AHRR: variants seen among roughly 807,000 people sequenced by gnomAD.
The protein encoded by AHRR is ahR repressor.
In AHRR, 28 loss-of-function variants were observed where a neutral mutation model predicts 44.0. The observed-to-expected ratio is 0.64, with a 90% CI of 0.47 to 0.87. The LOEUF (loss-of-function observed/expected upper bound fraction) is 0.87, where lower values mean the gene tolerates loss of function less well. Among genes scored for constraint, AHRR ranks in the 40% least tolerant of loss-of-function variants. The probability of loss-of-function intolerance (pLI) is 0.00; values close to 1 mark genes in which losing one functional copy is unlikely to be tolerated. For missense variants in AHRR, 990 were observed against 953.9 expected (o/e 1.04, Z -0.50); for synonymous variants, 434 against 407.0 (o/e 1.07, Z -0.80).
At position 404,961 on chromosome 5, in the gene AHRR, G is replaced by A. The variant is rs1459946714; in HGVS notation, c.352-8383G>A. Among the ~76,000 whole-genome samples, 2 of 152,040 alleles carry A rather than the reference G, an allele frequency of 1.3e-5. No homozygotes were observed. The highest frequency in any genetic ancestry group is 2.9e-5 in the Non-Finnish European group (2 of 68,012). On this transcript the variant is annotated intron_variant, in intron 4 of 10. Coordinates refer to ENST00000684583, the MANE Select transcript of AHRR (RefSeq NM_001377236.1). This position sits in a 1 kb window ranked among gnomAD's most constrained non-coding sequence, Gnocchi z 4.1. ...CCCCGCGGGGTCCATTTCATGTCCT[G>A]CTGATTAATCCAGCTACTGAGAGGA...
chr5:367,855 G>A (rs1398528086), intron 3 of AHRR: 1 of 702,582 alleles, frequency 1.4e-6, no homozygotes, highest in South Asian at 1.5e-5. Flanking sequence ...TGACCACACG[G>A]GCGAACGAAG....
intron 4 of AHRR, among the ~76,000 whole-genome samples, chr5:390,725 ATCTCTGT>A (rs1204005380): frequency 2.0e-4 from 31 of 152,070 alleles, no homozygotes; most frequent in African/African-American, 7.0e-4. Flanking sequence ...TCCTGCTGGG[ATCTCTGT>A]GAGATTCCAC....
chr5:342,874 G>A lies in AHRR; in HGVS notation c.-10-1019G>A, dbSNP rs748032647. 6.6e-6 allele frequency among the ~76,000 whole-genome samples: 1 copy of A among 152,240 alleles called. No homozygotes were observed. The highest frequency in any genetic ancestry group is 1.5e-5 in the Non-Finnish European group (1 of 68,030). On this transcript the variant is annotated intron_variant, in intron 1 of 10. Transcript: ENST00000684583. This position sits in a 1 kb window ranked among gnomAD's most constrained non-coding sequence, Gnocchi z 4.3. ...TACTGGGCTGCTCCTCAGGGGCCCC[G>A]CTGGGAGGCACATGCCTGTGTCCAG...
chr5:376,552 A>ATGAGAAACGTGGGGT, intron 3 of AHRR, 58 bp from the exon 4 acceptor site: 1 of 1,409,244 alleles, frequency 7.1e-7, no homozygotes, highest in Non-Finnish European at 9.6e-7. Context: ...ATGTGAATGA[A>ATGAGAAACGTGGGGT]GAAGAGTGGC....
intron 3 of AHRR, among the ~76,000 whole-genome samples, chr5:355,750 C>T (rs1202850454): frequency 6.6e-6 from 1 of 152,234 alleles, no homozygotes; most frequent in Non-Finnish European, 1.5e-5. Flanking sequence ...TGCAGGGGCA[C>T]CCTGCGTGCC....
At chr5:396,011 G>A (rs759003965) in intron 4 of AHRR, among the ~76,000 whole-genome samples, 57 of 152,202 alleles carry the variant, frequency 3.7e-4, no homozygotes, top group Non-Finnish European at 7.6e-4. Flanking sequence ...TGGTAACACA[G>A]GACCACAACT....
At position 337,287 on chromosome 5, in the gene AHRR, C is replaced by T. The variant is rs533555337; in HGVS notation, c.-10-6606C>T. ...CTCCCCACTTTATAGAGAAGCAAATCCCTAACATGCCATTTATTTCATATG... is the reference window on the plus strand; with the variant it reads ...CTCCCCACTTTATAGAGAAGCAAATTCCTAACATGCCATTTATTTCATATG... On this transcript the variant is annotated intron_variant, in intron 1 of 10. Coordinates refer to ENST00000684583, the MANE Select transcript of AHRR (RefSeq NM_001377236.1). The surrounding 1 kb of genome is among the most constrained non-coding windows in gnomAD (Gnocchi z 4.1). 7.2e-4 allele frequency among the ~76,000 whole-genome samples: 109 copies of T among 152,274 alleles called. 1 individual carries two copies. Among genetic ancestry groups the T allele is most frequent in the African/African-American group, 2.5e-3 (102 of 41,552 alleles).
rs146731706 is a variant in AHRR at position 416,715 on chromosome 5, A to G, written c.441+3282A>G. Among the ~76,000 whole-genome samples the G allele has an allele frequency of 9.4e-3, 1,435 of 152,168 alleles. 7 individuals carry two copies. Among genetic ancestry groups the G allele is most frequent in the Non-Finnish European group, 0.014 (931 of 67,960 alleles). On this transcript the variant is annotated intron_variant, in intron 5 of 10. Coordinates refer to ENST00000684583, the MANE Select transcript of AHRR (RefSeq NM_001377236.1). ...AGTGGAGTGGGTCCGTTGGGTCCGT[A>G]GGCGTTTGCTGGGGTTTGGTGCATC...
intron 4 of AHRR, among the ~76,000 whole-genome samples, chr5:409,878 T>C (rs778611461): frequency 2.6e-5 from 4 of 152,232 alleles, no homozygotes; most frequent in Non-Finnish European, 4.4e-5. Context: ...TTCCTGGGTT[T>C]CTTCTGGAAG....
At chr5:425,871 C>A (rs1200085025) in intron 7 of AHRR, among the ~76,000 whole-genome samples, 1 of 152,236 alleles carries the variant, frequency 6.6e-6, no homozygotes, top group Non-Finnish European at 1.5e-5. Flanking sequence ...CACCAAGACC[C>A]TGCAGGACCT....
At chr5:385,410 A>G (rs947109774) in intron 4 of AHRR, among the ~76,000 whole-genome samples, 1 of 152,150 alleles carries the variant, frequency 6.6e-6, no homozygotes, top group African/African-American at 2.4e-5. Context: ...CCTGACCTGA[A>G]GCAGTTCTCC....
intron 1 of AHRR, among the ~76,000 whole-genome samples, chr5:327,316 G>T (rs898811414): frequency 1.3e-5 from 2 of 152,076 alleles, no homozygotes; most frequent in African/African-American, 4.8e-5. Flanking sequence ...TTTTTAGGGC[G>T]CCCATTACCC....
chr5:343,707 C>T (rs1670509398), intron 1 of AHRR, 186 bp from the exon 2 acceptor site: 1 of 556,700 alleles, frequency 1.8e-6, no homozygotes, highest in Non-Finnish European at 3.0e-6. Flanking sequence ...GGTGGCTCCT[C>T]GGTGCGGGGT....
chr5:396,365 C>G (rs959310451), intron 4 of AHRR, among the ~76,000 whole-genome samples: 1 of 152,138 alleles, frequency 6.6e-6, no homozygotes, highest in African/African-American at 2.4e-5. Flanking sequence ...AACCAAGCCC[C>G]GCATACCATG....
chr5:354,892 G>A (rs1742987217), intron 3 of AHRR, among the ~76,000 whole-genome samples: 1 of 152,202 alleles, frequency 6.6e-6, no homozygotes, highest in Non-Finnish European at 1.5e-5. Flanking sequence ...CGTGGCCCAT[G>A]GGCTGCGGGA....
intron 5 of AHRR, 34 bp from the exon 6 acceptor site, chr5:422,695 G>T: frequency 6.2e-7 from 1 of 1,614,074 alleles, no homozygotes; most frequent in Non-Finnish European, 8.5e-7. Context: ...GCCACTTGGG[G>T]TAAGGCTGAA....
In AHRR at chr5:387,961, GTTC is replaced by G. The variant is rs1000870670; in HGVS notation, c.351+11251_351+11253del. 7.2e-5 allele frequency among the ~76,000 whole-genome samples: 11 copies of G among 152,130 alleles called. No individual in the cohort carries two copies. Among genetic ancestry groups the G allele is most frequent in the Admixed American group, 6.5e-4 (10 of 15,268 alleles). ...CTCCACACCCCCTCGCTTCTGGAAT[GTTC>G]TTCTTGTGAATCTGCATCTCTGTCA... On this transcript the variant is annotated intron_variant, in intron 4 of 10. Transcript: ENST00000684583. The surrounding 1 kb of genome is among the most constrained non-coding windows in gnomAD (Gnocchi z 5.1).
chr5:355,505 G>T (rs972509291), intron 3 of AHRR, among the ~76,000 whole-genome samples: 1 of 152,172 alleles, frequency 6.6e-6, no homozygotes, highest in Non-Finnish European at 1.5e-5. Flanking sequence ...TCCTCCCACC[G>T]ACACCGCACA....
Position 383,839 on chromosome 5 carries a change from A to G in AHRR, c.351+7123A>G, listed in dbSNP as rs1197275093. ...CCCGGCCTCCCAAAGTGTTGAGATTACAGGTGTGAGCCACCACACCCAGCC... is the reference window on the plus strand; with the variant it reads ...CCCGGCCTCCCAAAGTGTTGAGATTGCAGGTGTGAGCCACCACACCCAGCC... On this transcript the variant is annotated intron_variant, in intron 4 of 10. Transcript: ENST00000684583. This position sits in a 1 kb window ranked among gnomAD's most constrained non-coding sequence, Gnocchi z 4.0. Among the ~76,000 whole-genome samples, 1 of 152,186 alleles carries G rather than the reference A, an allele frequency of 6.6e-6. No individual in the cohort carries two copies. Among genetic ancestry groups the G allele is most frequent in the Non-Finnish European group, 1.5e-5 (1 of 68,036 alleles).
Sources: gnomAD v4.1 joint callset for allele counts (sites outside exome capture counted in the v4.1 genomes callset) on GRCh38, gnomAD v4.1.1 for gene constraint, Gnocchi (gnomAD v3.1) non-coding constraint, MANE v1.5 for transcripts, NCBI Gene and HGNC (gene_info 2026-07-23, HGNC 2026-07-21) for gene names.